The following LINS1 variants were observed in gnomAD, a reference collection of about 807,000 sequenced individuals.
The protein encoded by LINS1 is lines homolog 1, also known as protein Lines homolog 1.
In LINS1, 27 loss-of-function variants were observed where a neutral mutation model predicts 41.6. That is an observed-to-expected ratio of 0.65 (90% confidence interval 0.48 to 0.89). LINS1 has a LOEUF of 0.89. LINS1 is among the 40% of genes least tolerant of loss of function. The pLI is 0.00. For missense variants in LINS1, 955 were observed against 884.1 expected (o/e 1.08, Z -1.02); for synonymous variants, 336 against 312.9 (o/e 1.07, Z -0.78).
In LINS1 at chr15:100,567,691, T is replaced by G. The variant is rs2037605527; in HGVS notation, c.*1547A>C. 6.6e-6 allele frequency: 1 copy of G among 152,266 alleles called. No homozygotes were observed. 9.4% of individuals were successfully genotyped at this position (152,266 alleles called of 1,614,324 possible). A position where few individuals can be genotyped will look rare whatever the true frequency, so the allele number is the denominator to read the frequency against. The stretch of plus-strand genomic sequence containing the variant: ...TTTTTTACAAACTATGTGGCATCCT[T>G]GAATACACATTCTTTGACGTGCTTT... On this transcript the variant is annotated 3_prime_UTR_variant, in exon 7 of 7. Coordinates refer to ENST00000314742, the MANE Select transcript of LINS1 (RefSeq NM_001040616.3).
At chr15:100,572,505 G>A (rs1483092938) in intron 5 of LINS1, 12 of 1,044,428 alleles carry the variant, frequency 1.1e-5, no homozygotes, top group African/African-American at 3.4e-5. Flanking sequence ...TTAAAGCATA[G>A]AAGTACTACT....
chr15:100,569,380 C>A lies in LINS1; in HGVS notation c.2132G>T (p.Arg711Ile), dbSNP rs148450316. ...TAGTTCCTGGAAGCATTTTACTATT[C>A]TGTAAAATATTCCCACTTCAGAGAC... The part of the protein sequence containing the change: ...DVVSEVGIFY[R>I]IVKCFQELQD... The change falls in exon 7 of 7, where the codon AGA becomes ATA. Residue 711 changes from arginine to isoleucine, a missense_variant. Transcript: ENST00000314742. The A allele has an allele frequency of 3.1e-5, 50 of 1,613,928 alleles. No homozygotes were observed. Among genetic ancestry groups the A allele is most frequent in the Non-Finnish European group, 4.2e-5 (49 of 1,179,962 alleles).
chr15:100,573,360 G>A, intron 5 of LINS1: 1 of 1,217,350 alleles, frequency 8.2e-7, no homozygotes, highest in Non-Finnish European at 1.0e-6. Flanking sequence ...GTAAATACTT[G>A]AATATGAATT....
At chr15:100,589,772 C>T (rs2038955166) in intron 1 of LINS1, among the ~76,000 whole-genome samples, 1 of 152,122 alleles carries the variant, frequency 6.6e-6, no homozygotes, top group Non-Finnish European at 1.5e-5. Flanking sequence ...GGATTTTATT[C>T]AATTATTATT....
chr15:100,575,411 T>C (rs2038108511), intron 3 of LINS1, among the ~76,000 whole-genome samples: 1 of 151,822 alleles, frequency 6.6e-6, no homozygotes. Context: ...CCAACAAACA[T>C]CAAAAGAGAC....
At position 100,573,911 on chromosome 15, in the gene LINS1, G is replaced by A. The variant is rs2037997010; in HGVS notation, c.962C>T (p.Pro321Leu). ...VGEDLCRGSVPALMPPDHHVA... is the reference protein window; with the variant it reads ...VGEDLCRGSVLALMPPDHHVA... Reference sequence around the variant, plus strand: ...ATGATGGTCTGGCGGCATTAAGGCAGGCACAGATCCACGACAGAGGTCTTC... The same window carrying A: ...ATGATGGTCTGGCGGCATTAAGGCAAGCACAGATCCACGACAGAGGTCTTC... Residue 321 changes from proline to leucine, a missense_variant, in exon 5 of 7, where the codon CCT (proline) becomes CTT (leucine). Physicochemically the swap from Pro to Leu is moderately conservative, Grantham distance 98. Coordinates refer to ENST00000314742, the MANE Select transcript of LINS1 (RefSeq NM_001040616.3). 3 of 1,614,120 alleles carry A rather than the reference G, an allele frequency of 1.9e-6. No individual in the cohort carries two copies. In the South Asian group the frequency reaches 3.3e-5, roughly 18 times the overall value.
rs1450200674 is a variant in LINS1, at chr15:100,569,659, G to A, written c.1853C>T (p.Ser618Phe). The stretch of plus-strand genomic sequence containing the variant: ...CAGACTTTGAGAGGCCCGGGGGGAA[G>A]ACAGACTAGAAGCACACATGGTGTG... The part of the protein sequence containing the change: ...GAHTMCASSL[S>F]SPRASQSLVD... Residue 618 changes from serine (S) to phenylalanine (F), a missense_variant, in exon 7 of 7, where the codon TCT becomes TTT. Coordinates refer to ENST00000314742, the MANE Select transcript of LINS1 (RefSeq NM_001040616.3). The A allele has an allele frequency of 6.2e-7, 1 of 1,613,516 alleles. No individual in the cohort carries two copies. The highest frequency in any genetic ancestry group is 8.5e-7 in the Non-Finnish European group (1 of 1,179,562).
intron 1 of LINS1, among the ~76,000 whole-genome samples, chr15:100,582,907 C>T (rs2038625876): frequency 6.6e-6 from 1 of 151,344 alleles, no homozygotes. Context: ...TAGTCTTGGT[C>T]TTATACTGGG....
At position 100,574,083 on chromosome 15, in the gene LINS1, T is replaced by C. The variant is rs577400606; in HGVS notation, c.790A>G (p.Ile264Val). 19 of 1,614,192 alleles carry C rather than the reference T, an allele frequency of 1.2e-5. No homozygotes were observed. The East Asian group carries it at 3.8e-4, about 32-fold the overall frequency. ...DLLELLIASR[I>V]HLKLHFTCQR... ...CAAGTGAAATGTAACTTCAGGTGGA[T>C]TCTGGAGGCGATGAGAAGCTCAAGC... The change falls in exon 5 of 7, where the codon ATC (isoleucine) becomes GTC (valine). Residue 264 changes from isoleucine to valine, a missense_variant. By Grantham distance (29) the Ile-to-Val change is conservative. Transcript: ENST00000314742.
rs868149268 is a variant in LINS1 at position 100,567,772 on chromosome 15, C to T, written c.*1466G>A. 3 of 152,206 alleles carry T rather than the reference C, an allele frequency of 2.0e-5. No individual in the cohort carries two copies. Among genetic ancestry groups the T allele is most frequent in the African/African-American group, 4.8e-5 (2 of 41,450 alleles). 9.4% of individuals were successfully genotyped at this position (152,206 alleles called of 1,614,324 possible). On this transcript the variant is annotated 3_prime_UTR_variant, in exon 7 of 7. Transcript: ENST00000314742. ...TAGCCTCACCGACAGCATGTTAAAACGCAAACCTTTTGACCTTTGCATTGC... is the reference window on the plus strand; with the variant it reads ...TAGCCTCACCGACAGCATGTTAAAATGCAAACCTTTTGACCTTTGCATTGC...
intron 4 of LINS1, 37 bp from the exon 5 acceptor site, chr15:100,574,278 AC>A: frequency 1.2e-6 from 1 of 860,658 alleles, no homozygotes; most frequent in Non-Finnish European, 1.8e-6. Context: ...AACAGGAAAA[AC>A]AGTCTTCTTC....
chr15:100,581,920 A>G (rs1279530557), intron 1 of LINS1, among the ~76,000 whole-genome samples: 1 of 152,206 alleles, frequency 6.6e-6, no homozygotes, highest in African/African-American at 2.4e-5. Flanking sequence ...TCCCTTAGTA[A>G]TAAGGTAAAT....
intron 1 of LINS1, among the ~76,000 whole-genome samples, chr15:100,589,671 T>A (rs2038950597): frequency 6.6e-6 from 1 of 152,230 alleles, no homozygotes; most frequent in East Asian, 1.9e-4. Context: ...TATAAATTAC[T>A]GAAATACTTT....
chr15:100,567,435 TG>T lies in LINS1; in HGVS notation c.*1802del, dbSNP rs2037599057. 2 of 152,368 alleles carry T rather than the reference TG, an allele frequency of 1.3e-5. No individual in the cohort carries two copies. The highest frequency in any genetic ancestry group is 4.8e-5 in the African/African-American group (2 of 41,580). 9.4% of individuals were successfully genotyped at this position (152,368 alleles called of 1,614,324 possible). ...GGCAACCACTATTATGACTTTCTTATGTAGTCTTACATACATATTTTATACA... is the reference window on the plus strand; with the variant it reads ...GGCAACCACTATTATGACTTTCTTATTAGTCTTACATACATATTTTATACA... On this transcript the variant is annotated 3_prime_UTR_variant, in exon 7 of 7. Coordinates refer to ENST00000314742, the MANE Select transcript of LINS1 (RefSeq NM_001040616.3).
chr15:100,571,898 T>C lies in LINS1; in HGVS notation c.1390A>G (p.Thr464Ala). The C allele has an allele frequency of 1.2e-6, 2 of 1,614,152 alleles. No individual in the cohort carries two copies. Among genetic ancestry groups the C allele is most frequent in the South Asian group, 1.1e-5 (1 of 91,088 alleles). The change falls in exon 6 of 7, where the codon ACC becomes GCC. Residue 464 changes from threonine (T) to alanine (A), a missense_variant. By Grantham distance (58) the Thr-to-Ala change is moderately conservative. Transcript: ENST00000314742. ...ATTACTTTAAAATACACTAACCTGGTCAGTGTTAAGTAGATGCCCAGTGAT... is the reference window on the plus strand; with the variant it reads ...ATTACTTTAAAATACACTAACCTGGCCAGTGTTAAGTAGATGCCCAGTGAT... ...KASLGIYLTL[T>A]RGCEATESLT... is the part of the protein sequence containing the mutation.
At chr15:100,576,978 C>T (rs1028641667) in intron 3 of LINS1, among the ~76,000 whole-genome samples, 2 of 152,152 alleles carry the variant, frequency 1.3e-5, no homozygotes, top group African/African-American at 4.8e-5. Flanking sequence ...TTCAACAACC[C>T]TTCATGCTAA....
At chr15:100,601,128 C>T (rs191402871) in intron 1 of LINS1, among the ~76,000 whole-genome samples, 5 of 152,346 alleles carry the variant, frequency 3.3e-5, no homozygotes, top group African/African-American at 1.2e-4. Flanking sequence ...CTTGGCATGG[C>T]TGGCTCTTTG....
chr15:100,591,415 G>C (rs1413629143), intron 1 of LINS1, among the ~76,000 whole-genome samples: 1 of 151,978 alleles, frequency 6.6e-6, no homozygotes, highest in Non-Finnish European at 1.5e-5. Flanking sequence ...CCTAAGTTTT[G>C]GTCACACTCT....
In LINS1 at chr15:100,569,774, G is replaced by A; in HGVS notation, c.1738C>T (p.Pro580Ser). The A allele has an allele frequency of 2.5e-6, 4 of 1,613,998 alleles. No homozygotes were observed. Among genetic ancestry groups the A allele is most frequent in the Non-Finnish European group, 3.4e-6 (4 of 1,179,950 alleles). ...GCACACACATCTCTGTGACTATGAG[G>A]AGCAGTCAAACGATGGGGTATTGTT... is the stretch of plus-strand genomic sequence containing the variant. ...NQTIPHRLTA[P>S]HSHRDVCARH... The change falls in exon 7 of 7, where the codon CCT becomes TCT. Residue 580 changes from proline (P) to serine (S), a missense_variant. Coordinates refer to ENST00000314742, the MANE Select transcript of LINS1 (RefSeq NM_001040616.3).
Sources: allele counts gnomAD v4.1 joint callset (sites outside exome capture counted in the v4.1 genomes callset), GRCh38; gene constraint gnomAD v4.1.1; transcripts MANE v1.5; gene names NCBI Gene and HGNC (gene_info 2026-07-23, HGNC 2026-07-21).